The following NBAS variants were observed in gnomAD, a reference collection of about 807,000 sequenced individuals.
NBAS encodes the protein NAG/BC035112 fusion.
NBAS carries 219 observed loss-of-function variants against 302.5 expected under a neutral mutation model. That is an observed-to-expected ratio of 0.72 (90% CI 0.65 to 0.81). The LOEUF (loss-of-function observed/expected upper bound fraction) is 0.81, where lower values mean the gene tolerates loss of function less well. Ranked by LOEUF, NBAS falls within the 30% of genes least tolerant of loss-of-function variation. The probability of loss-of-function intolerance (pLI) is 0.00; values close to 1 mark genes in which losing one functional copy is unlikely to be tolerated. For synonymous variants in NBAS, 1,118 were observed against 1,021.6 expected, an observed-to-expected ratio of 1.09 and a Z score of -1.80; for missense variants, 2,932 against 2,841.6, an observed-to-expected ratio of 1.03 and a Z score of -0.72.
chr2:14,876,569 C>T, the NBAS span, among the ~76,000 whole-genome samples: 9 of 152,198 alleles, frequency 5.9e-5, no homozygotes, highest in African/African-American at 2.2e-4. Context: ...GGAATCATTC[C>T]TGTGTATACT....
intron 48 of NBAS, among the ~76,000 whole-genome samples, chr2:15,199,651 T>C (rs1247178082): frequency 6.6e-6 from 1 of 152,174 alleles, no homozygotes; most frequent in Non-Finnish European, 1.5e-5. Flanking sequence ...CAAAAAGTGA[T>C]GATAAAGTCA....
intron 21 of NBAS, among the ~76,000 whole-genome samples, chr2:15,442,225 C>T (rs1272709124): frequency 1.0e-5 from 1 of 97,418 alleles, no homozygotes; most frequent in Non-Finnish European, 2.4e-5. Flanking sequence ...CACCACACCA[C>T]ACCTATTCCA....
At chr2:14,880,193 C>G in the NBAS span, among the ~76,000 whole-genome samples, 2 of 152,138 alleles carry the variant, frequency 1.3e-5, no homozygotes, top group Non-Finnish European at 2.9e-5. Flanking sequence ...AACAAAGAAA[C>G]CCGGTAGGGA....
chr2:14,782,386 T>G, the NBAS span, among the ~76,000 whole-genome samples: 1 of 152,120 alleles, frequency 6.6e-6, no homozygotes, highest in Admixed American at 6.5e-5. Context: ...GTTAGAGAAA[T>G]GCAAATCAAA....
the NBAS span, among the ~76,000 whole-genome samples, chr2:15,094,750 C>T: frequency 1.3e-5 from 2 of 152,256 alleles, no homozygotes; most frequent in African/African-American, 2.4e-5. Context: ...ATGCTCCCGC[C>T]GGCCCTTTGC....
At chr2:15,341,557 T>TA (rs999662603) in intron 35 of NBAS, among the ~76,000 whole-genome samples, 11 of 151,918 alleles carry the variant, frequency 7.2e-5, no homozygotes, top group Admixed American at 2.6e-4. Flanking sequence ...TAACAATAGA[T>TA]AAAAAACAAA....
intron 21 of NBAS, among the ~76,000 whole-genome samples, chr2:15,441,994 C>A (rs1350709419): frequency 2.8e-5 from 4 of 142,676 alleles, no homozygotes; most frequent in East Asian, 2.0e-4. Context: ...CAGGAGCACC[C>A]AGATTCATAA....
Position 15,260,814 on chromosome 2 carries a change from T to C in NBAS, c.5724+14670A>G, listed in dbSNP as rs562482864. 4.8e-4 allele frequency among the ~76,000 whole-genome samples: 44 copies of C among 92,016 alleles called. No individual in the cohort carries two copies. The South Asian group carries it at 0.015, about 32-fold the overall frequency. 60.4% of individuals were successfully genotyped at this position (92,016 alleles called of 152,430 possible). On this transcript the variant is annotated intron_variant, in intron 44 of 51. Coordinates refer to ENST00000281513, the MANE Select transcript of NBAS (RefSeq NM_015909.4). ...ATTATGTATCAAAAGTCAATTATTA[T>C]ACATATATATACACAGACATATTTG... is the stretch of plus-strand genomic sequence containing the variant.
At chr2:15,112,616 C>T in the NBAS span, among the ~76,000 whole-genome samples, 1 of 152,014 alleles carries the variant, frequency 6.6e-6, no homozygotes. Flanking sequence ...CATGCTTTGG[C>T]AATCCAAGAA....
the NBAS span, among the ~76,000 whole-genome samples, chr2:14,862,301 T>A: frequency 6.6e-6 from 1 of 152,106 alleles, no homozygotes; most frequent in African/African-American, 2.4e-5. Context: ...GTATTTTTAG[T>A]AAAGACGGGG....
intron 48 of NBAS, among the ~76,000 whole-genome samples, chr2:15,209,141 A>T (rs1666285479): frequency 6.6e-6 from 1 of 152,210 alleles, no homozygotes; most frequent in Admixed American, 6.5e-5. Context: ...GCAGAAACTC[A>T]AAGGACCATT....
chr2:15,340,427 T>C (rs961045172), intron 35 of NBAS, among the ~76,000 whole-genome samples: 3 of 152,050 alleles, frequency 2.0e-5, no homozygotes, highest in Non-Finnish European at 4.4e-5. Context: ...AGAAAGAAGG[T>C]CATTGTTTGG....
At chr2:15,147,522 G>T in the NBAS span, among the ~76,000 whole-genome samples, 1 of 152,090 alleles carries the variant, frequency 6.6e-6, no homozygotes, top group Non-Finnish European at 1.5e-5. Flanking sequence ...GAATCCGGAG[G>T]TGGAGGTTGC....
At chr2:15,518,129 GAAAAAA>G in intron 9 of NBAS, among the ~76,000 whole-genome samples, 1 of 134,212 alleles carries the variant, frequency 7.5e-6, no homozygotes, top group African/African-American at 2.7e-5. Flanking sequence ...AAGTCTAGGG[GAAAAAA>G]AAAAAAAAAA....
chr2:15,271,571 T>TGA (rs1448906967), intron 44 of NBAS, among the ~76,000 whole-genome samples: 1 of 152,180 alleles, frequency 6.6e-6, no homozygotes, highest in Admixed American at 6.5e-5. Flanking sequence ...TTAAACTGTA[T>TGA]GATTACCTGG....
At chr2:15,369,023 T>C (rs944335769) in intron 31 of NBAS, among the ~76,000 whole-genome samples, 3 of 152,220 alleles carry the variant, frequency 2.0e-5, no homozygotes, top group African/African-American at 4.8e-5. Context: ...AAAAACACTA[T>C]GGGTTTTTTC....
At chr2:14,796,087 A>G in the NBAS span, among the ~76,000 whole-genome samples, 1 of 152,194 alleles carries the variant, frequency 6.6e-6, no homozygotes. Context: ...TCATTCCAGA[A>G]CCATTTGTTG....
chr2:15,248,180 G>C (rs1668192863), intron 44 of NBAS, among the ~76,000 whole-genome samples: 1 of 152,144 alleles, frequency 6.6e-6, no homozygotes, highest in Non-Finnish European at 1.5e-5. Context: ...CATGGAAACA[G>C]AACAACCTGC....
chr2:15,441,374 T>A (rs950188844), intron 21 of NBAS, among the ~76,000 whole-genome samples: 1 of 151,974 alleles, frequency 6.6e-6, no homozygotes, highest in African/African-American at 2.4e-5. Flanking sequence ...AGAAAAGAAT[T>A]TTCAAACCAG....
Sources: gnomAD v4.1 joint callset for allele counts (sites outside exome capture counted in the v4.1 genomes callset) on GRCh38, gnomAD v4.1.1 for gene constraint, MANE v1.5 for transcripts, NCBI Gene and HGNC (gene_info 2026-07-23, HGNC 2026-07-21) for gene names.